The following HCFC1R1 variants were observed in gnomAD, a reference collection of about 807,000 sequenced individuals.
HCFC1R1 encodes HCF-1 beta-propeller-interacting protein.
HCFC1R1 carries 17 observed loss-of-function variants against 13.3 expected under a neutral mutation model. The ratio of observed to expected loss-of-function variants is 1.28; its 90% CI spans 0.87 to 1.91. The LOEUF (loss-of-function observed/expected upper bound fraction) is 1.91. HCFC1R1 is among the 40% of genes most tolerant of loss of function. The pLI, the probability that HCFC1R1 is intolerant of heterozygous loss-of-function variation, is 0.00. For synonymous variants in HCFC1R1, 87 were observed against 71.1 expected, an observed-to-expected ratio of 1.22 and a Z score of -1.12; for missense variants, 218 against 177.9, an observed-to-expected ratio of 1.23 and a Z score of -1.28.
chr16:3,024,018 C>A (rs773590990), upstream of HCFC1R1: 59 of 1,182,578 alleles, frequency 5.0e-5, no homozygotes, highest in Non-Finnish European at 6.7e-5. Flanking sequence ...AGAGGATGGG[C>A]GTGGCTTTAG....
At chr16:3,023,025 A>T (rs1782217907) in intron 3 of HCFC1R1, 27 bp from the exon 4 acceptor site, 1 of 1,591,878 alleles carries the variant, frequency 6.3e-7, no homozygotes, top group East Asian at 2.3e-5. Flanking sequence ...CTGTCAGGGC[A>T]TGGAGCTGAG....
At chr16:3,023,777 A>G in intron 1 of HCFC1R1, 70 bp downstream of exon 1, 1 of 1,252,526 alleles carries the variant, frequency 8.0e-7, no homozygotes, top group Non-Finnish European at 1.1e-6. Context: ...CATCCTGCAG[A>G]CCAGTCCTGA....
In HCFC1R1 at chr16:3,023,357, G is replaced by A. The variant is rs540123909; in HGVS notation, c.157C>T (p.Pro53Ser). The A allele has an allele frequency of 1.1e-5, 18 of 1,608,992 alleles. No homozygotes were observed. Among genetic ancestry groups the A allele is most frequent in the Admixed American group, 1.7e-5 (1 of 59,428 alleles). The change falls in exon 3 of 4, where the codon CCT becomes TCT. Residue 53 changes from proline to serine, a missense_variant. Coordinates refer to ENST00000248089, the MANE Select transcript of HCFC1R1 (RefSeq NM_017885.4). ...TCAGACAGAAACTGCTTGCGCAGAG[G>A]CTCCCTGGGGAGAGATGGCAGAGAG... is the stretch of plus-strand genomic sequence containing the variant. ...TKRRLEEEQE[P>S]LRKQFLSEEN...
chr16:3,023,015 C>CT lies in HCFC1R1; in HGVS notation c.282-18dup, dbSNP rs779203371. On this transcript the variant is annotated splice_polypyrimidine_tract_variant and intron_variant, in intron 3 of 3. Coordinates refer to ENST00000248089, the MANE Select transcript of HCFC1R1 (RefSeq NM_017885.4). ...CAAGGGCTCCTAGAAGAGGAAATGA[C>CT]TGTCAGGGCATGGAGCTGAGGCTGG... 6.3e-7 allele frequency: 1 copy of CT among 1,594,022 alleles called. No homozygotes were observed. The highest frequency in any genetic ancestry group is 8.5e-7 in the Non-Finnish European group (1 of 1,174,190).
At chr16:3,023,650 G>A (rs1481108753) in intron 1 of HCFC1R1, 120 bp from the exon 2 acceptor site, 11 of 1,239,762 alleles carry the variant, frequency 8.9e-6, no homozygotes, top group Non-Finnish European at 1.2e-5. Flanking sequence ...AGCTGGTGCC[G>A]GTCCCCGCTC....
rs775913131 is a variant in HCFC1R1, at chr16:3,022,998, C to T, written c.282G>A (p.Arg94=). Residue 94 remains arginine (R), a splice_region_variant and synonymous_variant, in exon 4 of 4, where the codon AGG becomes AGA. Transcript: ENST00000248089. The part of the protein sequence containing the change: ...MTFSPALPPL[R]SPCSELLLWR... ...AGAGAAGCAGCTCAGAGCAAGGGCT[C>T]CTAGAAGAGGAAATGACTGTCAGGG... 3.0e-5 allele frequency: 48 copies of T among 1,597,134 alleles called. No homozygotes were observed. The highest frequency in any genetic ancestry group is 3.3e-4 in the Middle Eastern group (2 of 6,032).
chr16:3,023,494 C>T lies in HCFC1R1; in HGVS notation c.132G>A (p.Lys44=), dbSNP rs2072677219. The T allele has an allele frequency of 6.2e-7, 1 of 1,611,932 alleles. No homozygotes were observed. The highest frequency in any genetic ancestry group is 1.3e-5 in the African/African-American group (1 of 74,864). ...PLRGAVPMST[K]RRLEEEQEPL... Reference sequence around the variant, plus strand: ...CTCACTGCTCCTCCTCCAGGCGCCGCTTGGTGCTCATGGGCACAGCTCCTC... The same window carrying T: ...CTCACTGCTCCTCCTCCAGGCGCCGTTTGGTGCTCATGGGCACAGCTCCTC... Residue 44 remains lysine (K), a synonymous_variant, in exon 2 of 4, where the codon AAG becomes AAA. Coordinates refer to ENST00000248089, the MANE Select transcript of HCFC1R1 (RefSeq NM_017885.4).
chr16:3,024,008 A>G (rs1197616145), upstream of HCFC1R1: 14 of 1,240,180 alleles, frequency 1.1e-5, no homozygotes, highest in Admixed American at 2.5e-5. Flanking sequence ...CGTGGCCAAG[A>G]GAGGATGGGC....
Position 3,023,253 on chromosome 16 carries a change from G to C in HCFC1R1, c.261C>G (p.Ser87=), listed in dbSNP as rs767370207. 5 of 1,563,506 alleles carry C rather than the reference G, an allele frequency of 3.2e-6. No individual in the cohort carries two copies. In the East Asian group the frequency reaches 6.8e-5, roughly 21 times the overall value. Residue 87 remains serine (S), a synonymous_variant, in exon 3 of 4, where the codon TCC becomes TCG. Coordinates refer to ENST00000248089, the MANE Select transcript of HCFC1R1 (RefSeq NM_017885.4). ...HPYCSPPMTF[S]PALPPLRSPC... ...CCTACCTGAGTGGGGGCAGGGCTGGGGAGAAGGTCATGGGGGGGCTGCAGT... is the reference window on the plus strand; with the variant it reads ...CCTACCTGAGTGGGGGCAGGGCTGGCGAGAAGGTCATGGGGGGGCTGCAGT...
At chr16:3,024,277 T>C (rs373078091), upstream of HCFC1R1, 11 of 1,613,412 alleles carry the variant, frequency 6.8e-6, no homozygotes, top group African/African-American at 1.3e-5. Context: ...ACGTAAGGCC[T>C]CGTGAGGTTG....
rs2072638165 is a variant in HCFC1R1, at chr16:3,022,772, GA to G, written c.*90del. 8.2e-7 allele frequency: 1 copy of G among 1,214,024 alleles called. No individual in the cohort carries two copies. Among genetic ancestry groups the G allele is most frequent in the East Asian group, 3.1e-5 (1 of 31,794 alleles). 75.2% of individuals were successfully genotyped at this position (1,214,024 alleles called of 1,614,324 possible). On this transcript the variant is annotated 3_prime_UTR_variant, in exon 4 of 4. Transcript: ENST00000248089. The stretch of plus-strand genomic sequence containing the variant: ...TGGTGCCCAGATGCCTACTCTGCAG[GA>G]GAGGGAGGAACCTTGTCCCTTTGCG...
Position 3,022,804 on chromosome 16 carries a change from C to T in HCFC1R1, c.*59G>A. On this transcript the variant is annotated 3_prime_UTR_variant, in exon 4 of 4. Transcript: ENST00000248089. ...AGGAACCTTGTCCCTTTGCGGGAGTCGCTGGTCTCTTCTGTTGTGGGGAAG... is the reference window on the plus strand; with the variant it reads ...AGGAACCTTGTCCCTTTGCGGGAGTTGCTGGTCTCTTCTGTTGTGGGGAAG... 2 of 1,403,054 alleles carry T rather than the reference C, an allele frequency of 1.4e-6. No homozygotes were observed. The highest frequency in any genetic ancestry group is 1.9e-6 in the Non-Finnish European group (2 of 1,074,204). The allele number at this position is 1,403,054 out of a possible 1,614,324, so 86.9% of individuals were successfully genotyped here. A position where few individuals can be genotyped will look rare whatever the true frequency, so the allele number is the denominator to read the frequency against.
At chr16:3,024,026 T>C (rs982384235), upstream of HCFC1R1, 5 of 1,108,912 alleles carry the variant, frequency 4.5e-6, no homozygotes, top group Non-Finnish European at 6.3e-6. Context: ...GGCGTGGCTT[T>C]AGGCGGGCAC....
Position 3,023,904 on chromosome 16 carries a change from C to T in HCFC1R1, c.38G>A (p.Gly13Glu), listed in dbSNP as rs2151131333. Residue 13 changes from glycine to glutamate, a missense_variant, in exon 1 of 4, where the codon GGA (glycine) becomes GAA (glutamate). Gly to Glu is a moderately conservative substitution (Grantham distance 98). Transcript: ENST00000248089. ...GGCCCGCGGGAGGCGCTGGGCCCCT[C>T]CCTGGGGGCCTCGCTGCAAGGGCTG... ...LQQPLQRGPQGGAQRLPRAAL... is the reference protein window; with the variant it reads ...LQQPLQRGPQEGAQRLPRAAL... 1 of 1,557,734 alleles carries T rather than the reference C, an allele frequency of 6.4e-7. No individual in the cohort carries two copies. The highest frequency in any genetic ancestry group is 2.4e-5 in the East Asian group (1 of 42,372).
chr16:3,023,979 G>T, upstream of HCFC1R1: 1 of 1,450,576 alleles, frequency 6.9e-7, no homozygotes, highest in African/African-American at 1.4e-5. Context: ...CTGGGCGACA[G>T]GGGAGGAGTC....
chr16:3,023,174 G>A (rs2072658091), intron 3 of HCFC1R1, 59 bp downstream of exon 3: 1 of 1,514,764 alleles, frequency 6.6e-7, no homozygotes, highest in African/African-American at 1.4e-5. Context: ...CAGGGCCTGA[G>A]GTCAGCTGTG....
upstream of HCFC1R1, chr16:3,024,127 A>T (rs1156251453): frequency 4.2e-6 from 3 of 719,010 alleles, no homozygotes; most frequent in Admixed American, 5.2e-5. Context: ...ATCCGGCTTA[A>T]GGGGGCTGCG....
intron 2 of HCFC1R1, 21 bp downstream of exon 2, chr16:3,023,453 C>T (rs751723642): frequency 6.2e-7 from 1 of 1,613,492 alleles, no homozygotes; most frequent in South Asian, 1.1e-5. Flanking sequence ...GTTGGGAGTC[C>T]CTCCCTGCCC....
At chr16:3,023,714 C>CA (rs1020728362) in intron 1 of HCFC1R1, 133 bp downstream of exon 1, 84 of 1,030,154 alleles carry the variant, frequency 8.2e-5, no homozygotes, top group Non-Finnish European at 1.2e-4. Flanking sequence ...GCCGCAGCCC[C>CA]AGTCCCATCT....
Sources: gnomAD v4.1 joint callset for allele counts on GRCh38, gnomAD v4.1.1 for gene constraint, MANE v1.5 for transcripts, NCBI Gene and HGNC (gene_info 2026-07-23, HGNC 2026-07-21) for gene names.